The following SCAP variants were observed in gnomAD, a reference collection of about 807,000 sequenced individuals.
SCAP encodes sterol regulatory element-binding protein cleavage-activating protein.
A neutral mutation model predicts 123.6 loss-of-function variants in SCAP; 65 were observed. The ratio of observed to expected loss-of-function variants is 0.53; its 90% CI spans 0.43 to 0.65. SCAP has a LOEUF of 0.65. SCAP is among the 30% of genes least tolerant of loss of function. SCAP has a pLI of 0.00. For missense variants in SCAP, 1,398 were observed against 1,712.5 expected (o/e 0.82, Z 3.24); for synonymous variants, 740 against 726.3 (o/e 1.02, Z -0.30).
chr3:47,420,931 C>G lies in SCAP; in HGVS notation c.1344G>C (p.Glu448Asp). ...TVLSIDIRRM[E>D]LADLNKRLPP... ...AGGGCAGGGCTCAGCCCACTCCTAC[C>G]TCCATCCGGCGAATGTCAATGGACA... Residue 448 changes from glutamate to aspartate, a missense_variant and splice_region_variant, in exon 11 of 23, where the codon GAG becomes GAC. Transcript: ENST00000265565. The surrounding 1 kb of genome is among the most constrained non-coding windows in gnomAD (Gnocchi z 5.0). 6.2e-7 allele frequency: 1 copy of G among 1,613,456 alleles called. No individual in the cohort carries two copies. Among genetic ancestry groups the G allele is most frequent in the Non-Finnish European group, 8.5e-7 (1 of 1,179,606 alleles).
rs1045139973 is a variant in SCAP at position 47,462,445 on chromosome 3, G to A, written c.-99+13354C>T. ...GGACCTGCCTGCTTGAAGACAGACTGTAAAACACCTTCATGGATGAGTTAT... is the reference window on the plus strand; with the variant it reads ...GGACCTGCCTGCTTGAAGACAGACTATAAAACACCTTCATGGATGAGTTAT... On this transcript the variant is annotated intron_variant, in intron 1 of 22. Coordinates refer to ENST00000265565, the MANE Select transcript of SCAP (RefSeq NM_012235.4). 7.9e-5 allele frequency among the ~76,000 whole-genome samples: 12 copies of A among 152,078 alleles called. No homozygotes were observed. The South Asian group carries it at 1.5e-3, about 18-fold the overall frequency.
At chr3:47,446,491 CT>C (rs1440062007) in intron 1 of SCAP, among the ~76,000 whole-genome samples, 1 of 151,868 alleles carries the variant, frequency 6.6e-6, no homozygotes, top group African/African-American at 2.4e-5. Flanking sequence ...CTTATGTTTA[CT>C]TTTTTTGTTG....
intron 7 of SCAP, 41 bp downstream of exon 7, chr3:47,425,956 T>A: frequency 6.2e-7 from 1 of 1,610,474 alleles, no homozygotes; most frequent in Non-Finnish European, 8.5e-7. Flanking sequence ...AATGCCCGTT[T>A]AGCTTGGAGA....
chr3:47,417,366 T>C lies in SCAP; in HGVS notation c.2908A>G (p.Ile970Val), dbSNP rs759211135. 1 of 1,609,298 alleles carries C rather than the reference T, an allele frequency of 6.2e-7. No homozygotes were observed. Among genetic ancestry groups the C allele is most frequent in the Non-Finnish European group, 8.5e-7 (1 of 1,178,548 alleles). The change falls in exon 17 of 23, where the codon ATC (isoleucine) becomes GTC (valine). Residue 970 changes from isoleucine to valine, a missense_variant. Ile to Val is a conservative substitution (Grantham distance 29). Coordinates refer to ENST00000265565, the MANE Select transcript of SCAP (RefSeq NM_012235.4). Reference sequence around the variant, plus strand: ...TTGCCCTGCAGCTCCAAGCTCCAGATGGAACCCTCGGCACTGGGGGCCCAG... The same window carrying C: ...TTGCCCTGCAGCTCCAAGCTCCAGACGGAACCCTCGGCACTGGGGGCCCAG... The part of the protein sequence containing the change: ...LAWAPSAEGS[I>V]WSLELQGNLI...
At position 47,427,434 on chromosome 3, in the gene SCAP, G is replaced by A; in HGVS notation, c.631+13C>T. 1 of 1,613,148 alleles carries A rather than the reference G, an allele frequency of 6.2e-7. No homozygotes were observed. On this transcript the variant is annotated intron_variant, in intron 5 of 22. Coordinates refer to ENST00000265565, the MANE Select transcript of SCAP (RefSeq NM_012235.4). Reference sequence around the variant, plus strand: ...ACCTTTACAGGTCTGAAGGGAACTTGTACTGGGGCTACCTTTGAGTGTGGC... The same window carrying A: ...ACCTTTACAGGTCTGAAGGGAACTTATACTGGGGCTACCTTTGAGTGTGGC...
chr3:47,476,323 T>A (rs549576043), upstream of SCAP, among the ~76,000 whole-genome samples: 15 of 152,194 alleles, frequency 9.9e-5, no homozygotes, highest in East Asian at 2.9e-3. Context: ...TAGCCGGCTG[T>A]GGTGGCGCGC....
intron 9 of SCAP, 52 bp from the exon 10 acceptor site, chr3:47,422,588 T>C (rs1576260027): frequency 1.4e-6 from 2 of 1,452,960 alleles, no homozygotes; most frequent in Non-Finnish European, 1.9e-6. Context: ...CTCTGCGACA[T>C]GACTCACACA....
chr3:47,445,640 C>G (rs929338257), intron 1 of SCAP, among the ~76,000 whole-genome samples: 4 of 152,134 alleles, frequency 2.6e-5, no homozygotes, highest in Non-Finnish European at 2.9e-5. Flanking sequence ...AGCGCGATCT[C>G]AGCTCACTGT....
intron 3 of SCAP, among the ~76,000 whole-genome samples, chr3:47,434,589 G>A (rs1267581745): frequency 1.3e-5 from 2 of 152,246 alleles, no homozygotes; most frequent in African/African-American, 4.8e-5. Flanking sequence ...TGTAATCCCA[G>A]CACTTTGGGA....
At chr3:47,473,970 A>C (rs1445212434) in intron 1 of SCAP, among the ~76,000 whole-genome samples, 3 of 152,214 alleles carry the variant, frequency 2.0e-5, no homozygotes, top group African/African-American at 7.2e-5. Flanking sequence ...GCAAAAGAAA[A>C]GAGAGAGCAT....
chr3:47,468,378 C>T (rs1451405248), intron 1 of SCAP, among the ~76,000 whole-genome samples: 1 of 152,100 alleles, frequency 6.6e-6, no homozygotes, highest in Non-Finnish European at 1.5e-5. Flanking sequence ...CTCTCCAGCA[C>T]CTGTTGTTTC....
At chr3:47,463,045 C>G (rs1034538065) in intron 1 of SCAP, among the ~76,000 whole-genome samples, 1 of 152,160 alleles carries the variant, frequency 6.6e-6, no homozygotes, top group African/African-American at 2.4e-5. Flanking sequence ...CACTTGGTAT[C>G]TCCACTCAAA....
At chr3:47,476,126 G>C (rs1009445150), upstream of SCAP, 2 of 152,108 alleles carry the variant, frequency 1.3e-5, no homozygotes, top group African/African-American at 4.8e-5. Flanking sequence ...AGCCGGGTTA[G>C]GGCCCGCCGG....
At chr3:47,464,962 T>G (rs1283265637) in intron 1 of SCAP, among the ~76,000 whole-genome samples, 2 of 152,202 alleles carry the variant, frequency 1.3e-5, no homozygotes, top group East Asian at 3.8e-4. Context: ...TGCATTTCTA[T>G]TGTTCACTGA....
At chr3:47,447,228 C>G (rs1707077876) in intron 1 of SCAP, among the ~76,000 whole-genome samples, 1 of 152,096 alleles carries the variant, frequency 6.6e-6, no homozygotes, top group African/African-American at 2.4e-5. Flanking sequence ...AGTGAAGCCC[C>G]TTCTCTACTA....
At chr3:47,446,969 C>A (rs1018542053) in intron 1 of SCAP, among the ~76,000 whole-genome samples, 1 of 152,090 alleles carries the variant, frequency 6.6e-6, no homozygotes, top group African/African-American at 2.4e-5. Flanking sequence ...ATCTGTGATC[C>A]ATTTGAGTTA....
chr3:47,461,840 C>A (rs575195170), intron 1 of SCAP, among the ~76,000 whole-genome samples: 3 of 152,120 alleles, frequency 2.0e-5, no homozygotes, highest in Non-Finnish European at 4.4e-5. Context: ...TTGAGACCAG[C>A]GTGAGCAACA....
intron 1 of SCAP, among the ~76,000 whole-genome samples, chr3:47,468,621 C>T (rs979189940): frequency 6.6e-6 from 1 of 151,944 alleles, no homozygotes; most frequent in Non-Finnish European, 1.5e-5. Flanking sequence ...GGATATTAGC[C>T]CTTTGTCAGA....
rs971914664 is a variant in SCAP, at chr3:47,413,712, T to C, written c.*142A>G. 69 of 1,163,544 alleles carry C rather than the reference T, an allele frequency of 5.9e-5. No individual in the cohort carries two copies. The highest frequency in any genetic ancestry group is 5.4e-4 in the South Asian group (36 of 66,680). 72.1% of individuals were successfully genotyped at this position (1,163,544 alleles called of 1,614,324 possible). A position where few individuals can be genotyped will look rare whatever the true frequency, so the allele number is the denominator to read the frequency against. On this transcript the variant is annotated 3_prime_UTR_variant, in exon 23 of 23. Transcript: ENST00000265565. ...CCAAAGTGCCTGACAGATGATGATA[T>C]GGTTTTTTAAAAAAGTTTAATATTA... is the stretch of plus-strand genomic sequence containing the variant.
Sources: allele counts gnomAD v4.1 joint callset (sites outside exome capture counted in the v4.1 genomes callset), GRCh38; gene constraint gnomAD v4.1.1; non-coding constraint Gnocchi (gnomAD v3.1); transcripts MANE v1.5; gene names NCBI Gene and HGNC (gene_info 2026-07-23, HGNC 2026-07-21).